Variants in AP3S1 observed in about 807,000 individuals in gnomAD.
AP3S1 encodes AP-3 complex subunit sigma-1.
AP3S1 carries 12 observed loss-of-function variants against 21.3 expected under a neutral mutation model. The observed-to-expected ratio is 0.56, with a 90% CI of 0.36 to 0.91. The LOEUF is 0.91. Among genes scored for constraint, AP3S1 ranks in the 40% least tolerant of loss-of-function variants. The probability of loss-of-function intolerance (pLI) is 0.01; values close to 1 mark genes in which losing one functional copy is unlikely to be tolerated. For missense variants in AP3S1, 116 were observed against 225.0 expected, an observed-to-expected ratio of 0.52 and a Z score of 3.10; for synonymous variants, 48 against 78.4, an observed-to-expected ratio of 0.61 and a Z score of 2.05.
At chr5:115,850,395 G>A (rs764627963) in intron 1 of AP3S1, among the ~76,000 whole-genome samples, 1 of 152,180 alleles carries the variant, frequency 6.6e-6, no homozygotes. Context: ...TTTAACAGTT[G>A]CAAGTGTACA....
At chr5:115,862,358 A>G (rs1763262026) in intron 1 of AP3S1, among the ~76,000 whole-genome samples, 1 of 152,230 alleles carries the variant, frequency 6.6e-6, no homozygotes, top group African/African-American at 2.4e-5. Flanking sequence ...TATGTTATCA[A>G]TGCATAAAAC....
chr5:115,904,258 G>A (rs1176741062), intron 5 of AP3S1, among the ~76,000 whole-genome samples: 1 of 152,184 alleles, frequency 6.6e-6, no homozygotes, highest in Non-Finnish European at 1.5e-5. Flanking sequence ...TACTTTGAAA[G>A]CATCAAGGTT....
intron 3 of AP3S1, 91 bp from the exon 4 acceptor site, chr5:115,894,995 AT>A (rs1750627992): frequency 6.3e-6 from 5 of 799,572 alleles, no homozygotes; most frequent in Non-Finnish European, 9.7e-6. Context: ...ATAATACAAA[AT>A]TTTAGTTCAT....
intron 2 of AP3S1, 62 bp downstream of exon 2, chr5:115,866,823 T>C: frequency 9.0e-7 from 1 of 1,110,384 alleles, no homozygotes; most frequent in South Asian, 2.0e-5. Flanking sequence ...TATATACTGT[T>C]TAATCAGTTT....
chr5:115,911,219 C>T (rs1752079020), intron 5 of AP3S1, among the ~76,000 whole-genome samples: 1 of 151,826 alleles, frequency 6.6e-6, no homozygotes, highest in Non-Finnish European at 1.5e-5. Flanking sequence ...TTTAGTTTAG[C>T]TCTTCATGGT....
intron 5 of AP3S1, among the ~76,000 whole-genome samples, chr5:115,905,267 G>C (rs1435944478): frequency 2.0e-5 from 3 of 152,150 alleles, no homozygotes; most frequent in Non-Finnish European, 4.4e-5. Context: ...TATCTATAAA[G>C]AGCAGTAAAA....
At chr5:115,897,428 A>T (rs921775212) in intron 4 of AP3S1, among the ~76,000 whole-genome samples, 1 of 152,184 alleles carries the variant, frequency 6.6e-6, no homozygotes, top group Non-Finnish European at 1.5e-5. Context: ...CGCCAAGACA[A>T]TGCTAACTTT....
intron 3 of AP3S1, among the ~76,000 whole-genome samples, chr5:115,875,921 T>G (rs1424197189): frequency 6.6e-6 from 1 of 152,206 alleles, no homozygotes; most frequent in Non-Finnish European, 1.5e-5. Flanking sequence ...CAATTGCAAA[T>G]ATAATAATTC....
intron 3 of AP3S1, among the ~76,000 whole-genome samples, chr5:115,887,220 G>A (rs1484225716): frequency 1.3e-5 from 2 of 152,040 alleles, no homozygotes; most frequent in Non-Finnish European, 2.9e-5. Context: ...ATTGGTTTGA[G>A]TTAAACCAAG....
At chr5:115,908,728 GA>G (rs746045935) in intron 5 of AP3S1, among the ~76,000 whole-genome samples, 101 of 152,210 alleles carry the variant, frequency 6.6e-4, no homozygotes, top group Middle Eastern at 3.4e-3. Flanking sequence ...GCTGTCTAGA[GA>G]ATTGTCATGA....
At chr5:115,882,686 C>A (rs1052118855) in intron 3 of AP3S1, among the ~76,000 whole-genome samples, 1 of 152,038 alleles carries the variant, frequency 6.6e-6, no homozygotes, top group Non-Finnish European at 1.5e-5. Context: ...GTCAGGGACC[C>A]GCTTGAGGAG....
chr5:115,846,951 G>A (rs1415763426), intron 1 of AP3S1, among the ~76,000 whole-genome samples: 3 of 152,312 alleles, frequency 2.0e-5, no homozygotes, highest in East Asian at 1.9e-4. Context: ...GTAGTAGACC[G>A]ATTCCAAAAG....
intron 3 of AP3S1, among the ~76,000 whole-genome samples, chr5:115,872,180 A>T (rs1748322575): frequency 6.6e-6 from 1 of 152,030 alleles, no homozygotes; most frequent in Non-Finnish European, 1.5e-5. Context: ...CTGTCGTCCC[A>T]ATCACTTGGG....
chr5:115,864,967 T>C (rs1230053871), intron 1 of AP3S1, among the ~76,000 whole-genome samples: 3 of 152,154 alleles, frequency 2.0e-5, no homozygotes, highest in Non-Finnish European at 4.4e-5. Context: ...ATGCTAAAGC[T>C]AAAGCAGACA....
chr5:115,890,608 G>A (rs146128017), intron 3 of AP3S1, among the ~76,000 whole-genome samples: 122 of 152,212 alleles, frequency 8.0e-4, no homozygotes, highest in Middle Eastern at 6.8e-3. Flanking sequence ...TATGATTTTT[G>A]TACTTTTCTA....
intron 4 of AP3S1, among the ~76,000 whole-genome samples, chr5:115,901,516 C>CA (rs1751210509): frequency 6.7e-6 from 1 of 149,820 alleles, no homozygotes; most frequent in Admixed American, 6.7e-5. Flanking sequence ...CATGAGGTGT[C>CA]CATGCTTCCA....
At chr5:115,902,778 CTCATACTTTT>C in intron 4 of AP3S1, 97 bp from the exon 5 acceptor site, 2 of 740,818 alleles carry the variant, frequency 2.7e-6, no homozygotes, top group Non-Finnish European at 4.2e-6. Flanking sequence ...GTTTTTACCA[CTCATACTTTT>C]AACATAGACA....
chr5:115,860,193 A>G (rs921457735), intron 1 of AP3S1, among the ~76,000 whole-genome samples: 1 of 152,150 alleles, frequency 6.6e-6, no homozygotes, highest in Admixed American at 6.5e-5. Flanking sequence ...CTTTTTCTCT[A>G]GTCACATCTC....
intron 2 of AP3S1, among the ~76,000 whole-genome samples, chr5:115,869,551 C>G (rs908025124): frequency 2.0e-5 from 3 of 152,152 alleles, no homozygotes; most frequent in South Asian, 2.1e-4. Context: ...ACTACCTTAG[C>G]CTGAAATGCT....
Sources: gnomAD v4.1 joint callset for allele counts (sites outside exome capture counted in the v4.1 genomes callset) on GRCh38, gnomAD v4.1.1 for gene constraint, MANE v1.5 for transcripts, NCBI Gene and HGNC (gene_info 2026-07-23, HGNC 2026-07-21) for gene names.